KCNB2: variants seen among roughly 807,000 people sequenced by gnomAD.
KCNB2 encodes potassium voltage-gated channel subfamily B member 2, also known as delayed rectifier potassium channel protein.
Under a neutral mutation model 61.5 loss-of-function variants are expected in KCNB2, and 15 were observed. The observed-to-expected ratio is 0.24, with a 90% CI of 0.16 to 0.38. KCNB2 has a LOEUF of 0.38. Ranked by LOEUF, KCNB2 falls within the 10% of genes least tolerant of loss-of-function variation. The pLI, the probability that KCNB2 is intolerant of heterozygous loss-of-function variation, is 1.00. For missense variants in KCNB2, 828 were observed against 1,125.2 expected, an observed-to-expected ratio of 0.74 and a Z score of 3.78; for synonymous variants, 457 against 446.0, an observed-to-expected ratio of 1.02 and a Z score of -0.31.
chr8:72,850,819 G>T (rs997661975), intron 2 of KCNB2, among the ~76,000 whole-genome samples: 2 of 152,146 alleles, frequency 1.3e-5, no homozygotes, highest in African/African-American at 4.8e-5. Flanking sequence ...TTATATGTGT[G>T]CATGTATGTG....
intron 2 of KCNB2, among the ~76,000 whole-genome samples, chr8:72,579,556 C>T (rs777703244): frequency 6.6e-6 from 1 of 152,174 alleles, no homozygotes; most frequent in Non-Finnish European, 1.5e-5. Flanking sequence ...TGATTCTTCA[C>T]CCACCCTCTG....
At chr8:72,872,861 G>A (rs1457773041) in intron 2 of KCNB2, among the ~76,000 whole-genome samples, 1 of 152,168 alleles carries the variant, frequency 6.6e-6, no homozygotes, top group Admixed American at 6.5e-5. Flanking sequence ...ACATTTCTCT[G>A]TGTGGGCCAG....
At chr8:72,673,558 G>C (rs1003173503) in intron 2 of KCNB2, among the ~76,000 whole-genome samples, 1 of 152,146 alleles carries the variant, frequency 6.6e-6, no homozygotes, top group Non-Finnish European at 1.5e-5. Context: ...TTTATTAGCA[G>C]TGTAAGAACA....
At chr8:72,644,861 C>T (rs570279172) in intron 2 of KCNB2, among the ~76,000 whole-genome samples, 13 of 152,200 alleles carry the variant, frequency 8.5e-5, no homozygotes, top group African/African-American at 2.9e-4. Context: ...AATGACTTGA[C>T]CAAACGAAAT....
At chr8:72,928,681 GAC>G (rs10606839) in intron 2 of KCNB2, among the ~76,000 whole-genome samples, 18,235 of 143,540 alleles carry the variant, frequency 0.13, 2,653 homozygotes, top group East Asian at 0.78. Context: ...CACACACACA[GAC>G]ACACACACAC....
chr8:72,571,342 A>T (rs769470348), intron 2 of KCNB2, among the ~76,000 whole-genome samples: 22 of 152,236 alleles, frequency 1.4e-4, no homozygotes, highest in Non-Finnish European at 3.1e-4. Flanking sequence ...CTGGTGTCAC[A>T]TAAGGAGCCA....
rs763836044 is a variant in KCNB2 at position 72,937,805 on chromosome 8, A to T, written c.2450A>T (p.Glu817Val). 3 of 1,614,056 alleles carry T rather than the reference A, an allele frequency of 1.9e-6. No homozygotes were observed. The East Asian group carries it at 6.7e-5, about 36-fold the overall frequency. Residue 817 changes from glutamate (E) to valine (V), a missense_variant, in exon 3 of 3, where the codon GAG (glutamate) becomes GTG (valine). By Grantham distance (121) the Glu-to-Val change is moderately radical. Coordinates refer to ENST00000523207, the MANE Select transcript of KCNB2 (RefSeq NM_004770.3). ...ACTGGTGACGACGAAGACTTCTTAGAGCTCCCAGGGGCAAGGGAGGAGAAG... is the reference window on the plus strand; with the variant it reads ...ACTGGTGACGACGAAGACTTCTTAGTGCTCCCAGGGGCAAGGGAGGAGAAG... ...IDTGDDEDFLELPGAREEKQV... is the reference protein window; with the variant it reads ...IDTGDDEDFLVLPGAREEKQV...
intron 2 of KCNB2, among the ~76,000 whole-genome samples, chr8:72,747,771 A>T (rs1563578568): frequency 6.6e-6 from 1 of 152,240 alleles, no homozygotes; most frequent in Non-Finnish European, 1.5e-5. Context: ...GAATACTGTG[A>T]TTATTTCTAA....
At chr8:72,868,803 G>A (rs114299039) in intron 2 of KCNB2, among the ~76,000 whole-genome samples, 3,638 of 152,214 alleles carry the variant, frequency 0.024, 130 homozygotes, top group African/African-American at 0.081. Context: ...AAAAATGGCT[G>A]AGTATCAGAA....
At chr8:72,609,596 G>A (rs1296161718) in intron 2 of KCNB2, among the ~76,000 whole-genome samples, 2 of 152,098 alleles carry the variant, frequency 1.3e-5, no homozygotes, top group Non-Finnish European at 2.9e-5. Flanking sequence ...ACATAAGCTA[G>A]AGTAGACATA....
intron 2 of KCNB2, among the ~76,000 whole-genome samples, chr8:72,633,077 A>G (rs1163563535): frequency 3.3e-5 from 5 of 152,152 alleles, no homozygotes; most frequent in African/African-American, 1.2e-4. Flanking sequence ...TGAAGTCAAG[A>G]TGGCAGCAGG....
intron 2 of KCNB2, among the ~76,000 whole-genome samples, chr8:72,589,691 CA>C (rs1224622445): frequency 6.6e-6 from 1 of 151,540 alleles, no homozygotes; most frequent in African/African-American, 2.4e-5. Context: ...TTCAGGAATA[CA>C]ACAAAAGTGT....
chr8:72,810,613 T>C (rs969135676), intron 2 of KCNB2, among the ~76,000 whole-genome samples: 8 of 152,234 alleles, frequency 5.3e-5, no homozygotes, highest in African/African-American at 1.7e-4. Context: ...GGACCAATTA[T>C]GTGTTAATTT....
At chr8:72,662,411 T>C (rs1806396352) in intron 2 of KCNB2, among the ~76,000 whole-genome samples, 1 of 152,032 alleles carries the variant, frequency 6.6e-6, no homozygotes, top group African/African-American at 2.4e-5. Flanking sequence ...CCCAACATTC[T>C]CCACATCACG....
At chr8:72,788,382 G>T (rs558674946) in intron 2 of KCNB2, among the ~76,000 whole-genome samples, 1 of 151,974 alleles carries the variant, frequency 6.6e-6, no homozygotes, top group African/African-American at 2.4e-5. Context: ...TTCTTTGTGC[G>T]CACATAAAGA....
chr8:72,554,987 G>C (rs952461507), intron 1 of KCNB2, among the ~76,000 whole-genome samples: 1 of 151,898 alleles, frequency 6.6e-6, no homozygotes, highest in Non-Finnish European at 1.5e-5. Flanking sequence ...GCTCAATATT[G>C]ATCCCATATT....
intron 2 of KCNB2, among the ~76,000 whole-genome samples, chr8:72,872,409 T>C (rs986745579): frequency 2.0e-5 from 3 of 152,218 alleles, no homozygotes; most frequent in African/African-American, 7.2e-5. Context: ...GATGTGGTCT[T>C]CTGCAGTTTT....
intron 2 of KCNB2, among the ~76,000 whole-genome samples, chr8:72,715,258 A>G (rs1807411181): frequency 6.6e-6 from 1 of 152,206 alleles, no homozygotes; most frequent in African/African-American, 2.4e-5. Flanking sequence ...TCAACGAGAC[A>G]GAACGTTAAC....
intron 1 of KCNB2, among the ~76,000 whole-genome samples, chr8:72,554,028 G>T (rs1806384268): frequency 6.6e-6 from 1 of 152,024 alleles, no homozygotes; most frequent in Non-Finnish European, 1.5e-5. Flanking sequence ...CGTGTCATTT[G>T]CTGGTACTTT....
Sources: gnomAD v4.1 joint callset for allele counts (sites outside exome capture counted in the v4.1 genomes callset) on GRCh38, gnomAD v4.1.1 for gene constraint, MANE v1.5 for transcripts, NCBI Gene and HGNC (gene_info 2026-07-23, HGNC 2026-07-21) for gene names.